PDE3B: variants seen among roughly 807,000 people sequenced by gnomAD.
The protein encoded by PDE3B is cGMP-inhibited 3',5'-cyclic phosphodiesterase 3B.
In PDE3B, 66 loss-of-function variants were observed where a neutral mutation model predicts 116.8. The observed-to-expected ratio is 0.56, with a 90% CI of 0.46 to 0.69. PDE3B has a LOEUF of 0.69. Among genes scored for constraint, PDE3B ranks in the 30% least tolerant of loss-of-function variants. The pLI is 0.00. For synonymous variants in PDE3B, 595 were observed against 533.6 expected (o/e 1.12, Z -1.59); for missense variants, 1,384 against 1,368.1 (o/e 1.01, Z -0.18).
At chr11:14,812,335 T>A (rs1416781122) in intron 5 of PDE3B, among the ~76,000 whole-genome samples, 2 of 152,124 alleles carry the variant, frequency 1.3e-5, no homozygotes, top group Non-Finnish European at 2.9e-5. Context: ...TTTGAAAACA[T>A]CTCTCAATAG....
intron 7 of PDE3B, among the ~76,000 whole-genome samples, chr11:14,822,082 T>C (rs1193148827): frequency 1.3e-5 from 2 of 152,040 alleles, no homozygotes; most frequent in African/African-American, 4.8e-5. Flanking sequence ...AAATTTTTTT[T>C]TGTAGAGATG....
At chr11:14,823,109 G>T (rs1379643980) in intron 7 of PDE3B, among the ~76,000 whole-genome samples, 1 of 152,066 alleles carries the variant, frequency 6.6e-6, no homozygotes, top group Non-Finnish European at 1.5e-5. Flanking sequence ...GCCTCCCTGA[G>T]ATAGTGCTCC....
At chr11:14,661,389 G>A (rs1033968349) in intron 1 of PDE3B, among the ~76,000 whole-genome samples, 4 of 152,240 alleles carry the variant, frequency 2.6e-5, no homozygotes, top group East Asian at 1.9e-4. Context: ...CGCAAAAGAC[G>A]GTTGATTTCT....
rs375496326 is a variant in PDE3B at position 14,819,227 on chromosome 11, A to G, written c.1807+18A>G. Reference sequence around the variant, plus strand: ...AAAATCAGGTGAGATTACAAAAGTCATATGTATTTGAGTTTAAGAGAAATT... The same window carrying G: ...AAAATCAGGTGAGATTACAAAAGTCGTATGTATTTGAGTTTAAGAGAAATT... On this transcript the variant is annotated intron_variant, in intron 7 of 15. Coordinates refer to ENST00000282096, the MANE Select transcript of PDE3B (RefSeq NM_000922.4). 3.3e-6 allele frequency: 5 copies of G among 1,493,666 alleles called. No individual in the cohort carries two copies. Among genetic ancestry groups the G allele is most frequent in the African/African-American group, 2.7e-5 (2 of 72,816 alleles). 92.5% of individuals were successfully genotyped at this position (1,493,666 alleles called of 1,614,324 possible).
At chr11:14,799,666 C>T (rs1321503389) in intron 4 of PDE3B, among the ~76,000 whole-genome samples, 1 of 151,072 alleles carries the variant, frequency 6.6e-6, no homozygotes, top group Admixed American at 6.6e-5. Flanking sequence ...TGCATTTATC[C>T]GTTTACCATT....
chr11:14,892,080 C>T, the PDE3B span: 3 of 1,611,814 alleles, frequency 1.9e-6, no homozygotes, highest in Admixed American at 5.0e-5. Flanking sequence ...GCCCCGGCGG[C>T]CCCGGGGGGA....
At chr11:14,808,231 C>G (rs1345740657) in intron 5 of PDE3B, among the ~76,000 whole-genome samples, 1 of 152,086 alleles carries the variant, frequency 6.6e-6, no homozygotes, top group African/African-American at 2.4e-5. Flanking sequence ...GAAACAGAAA[C>G]TACACAATTA....
At chr11:14,721,609 T>G (rs1384962874) in intron 1 of PDE3B, among the ~76,000 whole-genome samples, 1 of 148,374 alleles carries the variant, frequency 6.7e-6, no homozygotes, top group Non-Finnish European at 1.5e-5. Context: ...AAAGGATGAG[T>G]TCATGTCCTT....
chr11:14,722,637 A>G (rs1856154685), intron 1 of PDE3B, among the ~76,000 whole-genome samples: 2 of 152,200 alleles, frequency 1.3e-5, no homozygotes, highest in Admixed American at 1.3e-4. Flanking sequence ...GCCTGCCAAT[A>G]ACCATGTGAG....
intron 7 of PDE3B, among the ~76,000 whole-genome samples, chr11:14,819,824 G>A (rs115737109): frequency 0.013 from 2,050 of 152,158 alleles, 43 homozygotes; most frequent in African/African-American, 0.047. Flanking sequence ...TTGGAAGACA[G>A]AACTCCAAGA....
chr11:14,859,215 A>G lies in PDE3B; in HGVS notation c.2693A>G (p.His898Arg), dbSNP rs1555006670. The change falls in exon 13 of 16, where the codon CAT becomes CGT. Residue 898 changes from histidine (H) to arginine (R), a missense_variant. Physicochemically the swap from His to Arg is conservative, Grantham distance 29 (BLOSUM62 0). Around this residue, in one of 2 missense-constraint regions of PDE3B, gnomAD observed 428 missense variants for 561.4 expected, o/e 0.76. Transcript: ENST00000282096. ...ATCCTTGCTACGGATCTTAAAAAGC[A>G]TTTTGATTTTCTCGCAGAATTCAAT... ...EAILATDLKK[H>R]FDFLAEFNAK... The G allele has an allele frequency of 4.3e-6, 7 of 1,611,812 alleles. No individual in the cohort carries two copies. In the Admixed American group the frequency reaches 8.4e-5, roughly 19 times the overall value.
At chr11:14,725,650 T>C (rs1036825367) in intron 1 of PDE3B, among the ~76,000 whole-genome samples, 1 of 141,326 alleles carries the variant, frequency 7.1e-6, no homozygotes, top group Admixed American at 7.3e-5. Context: ...CTCTCTCTCT[T>C]TCTTATACTC....
chr11:14,823,507 G>A (rs565066156), intron 7 of PDE3B, among the ~76,000 whole-genome samples: 2 of 152,132 alleles, frequency 1.3e-5, no homozygotes, highest in East Asian at 3.9e-4. Context: ...CAGCCCAACT[G>A]TTATATAAAG....
intron 1 of PDE3B, among the ~76,000 whole-genome samples, chr11:14,682,818 G>A (rs777755631): frequency 4.6e-5 from 7 of 151,560 alleles, no homozygotes; most frequent in Non-Finnish European, 8.8e-5. Context: ...TGGTATTGGG[G>A]TAATGGTGAC....
chr11:14,662,022 C>T (rs1020593865), intron 1 of PDE3B, among the ~76,000 whole-genome samples: 2 of 152,138 alleles, frequency 1.3e-5, no homozygotes, highest in African/African-American at 4.8e-5. Context: ...GTCCCTGACC[C>T]CTGACCCCCG....
At chr11:14,704,974 T>A (rs1203594770) in intron 1 of PDE3B, among the ~76,000 whole-genome samples, 1 of 151,704 alleles carries the variant, frequency 6.6e-6, no homozygotes, top group Non-Finnish European at 1.5e-5. Flanking sequence ...GAGAAACGAC[T>A]TATATATTGG....
intron 1 of PDE3B, among the ~76,000 whole-genome samples, chr11:14,737,335 A>G (rs1674022792): frequency 6.6e-6 from 1 of 152,176 alleles, no homozygotes. Flanking sequence ...CTGGGACTAC[A>G]GGCAGGCGCC....
At chr11:14,651,745 A>G (rs1853580718) in intron 1 of PDE3B, among the ~76,000 whole-genome samples, 1 of 152,208 alleles carries the variant, frequency 6.6e-6, no homozygotes, top group African/African-American at 2.4e-5. Context: ...TCATGCCAAC[A>G]CACTATATTG....
At chr11:14,665,868 T>G (rs1211915901) in intron 1 of PDE3B, among the ~76,000 whole-genome samples, 1 of 152,120 alleles carries the variant, frequency 6.6e-6, no homozygotes, top group Non-Finnish European at 1.5e-5. Context: ...CAAGGTAATT[T>G]ATAGATTCAA....
Sources: gnomAD v4.1 joint callset for allele counts (sites outside exome capture counted in the v4.1 genomes callset) on GRCh38, gnomAD v4.1.1 for gene constraint, gnomAD v4.1.1 regional missense constraint, MANE v1.5 for transcripts, NCBI Gene and HGNC (gene_info 2026-07-23, HGNC 2026-07-21) for gene names.